Variants in GNA13 observed in about 807,000 individuals in gnomAD.
GNA13 encodes G protein subunit alpha 13.
In GNA13, 4 loss-of-function variants were observed where a neutral mutation model predicts 33.5. The ratio of observed to expected loss-of-function variants is 0.12; its 90% CI spans 0.06 to 0.27. The LOEUF is 0.27. GNA13 is among the 10% of genes least tolerant of loss of function. The probability of loss-of-function intolerance (pLI) is 1.00; values close to 1 mark genes in which losing one functional copy is unlikely to be tolerated. For missense variants in GNA13, 319 were observed against 487.2 expected (o/e 0.65, Z 3.25); for synonymous variants, 176 against 183.8 (o/e 0.96, Z 0.34).
chr17:65,037,698 G>A (rs905149051), intron 2 of GNA13, among the ~76,000 whole-genome samples: 5 of 141,920 alleles, frequency 3.5e-5, no homozygotes, highest in Non-Finnish European at 6.0e-5. Flanking sequence ...TTGGGAGGCC[G>A]AGAGAGGCAG....
At chr17:65,024,403 CA>C (rs1228223778) in intron 2 of GNA13, among the ~76,000 whole-genome samples, 5 of 152,160 alleles carry the variant, frequency 3.3e-5, no homozygotes, top group African/African-American at 1.2e-4. Context: ...TCCCAATAAA[CA>C]AAATGTTATT....
At chr17:65,052,009 C>T (rs1907874818) in intron 2 of GNA13, 1 of 152,200 alleles carries the variant, frequency 6.6e-6, no homozygotes, top group African/African-American at 2.4e-5. Flanking sequence ...CTATCGTGAA[C>T]ACTTTCCTGG....
At chr17:65,027,831 G>C (rs1457808147) in intron 2 of GNA13, among the ~76,000 whole-genome samples, 1 of 152,138 alleles carries the variant, frequency 6.6e-6, no homozygotes. Flanking sequence ...AAGGCTGGGC[G>C]TGGTGGCTCA....
At position 65,012,490 on chromosome 17, in the gene GNA13, T is replaced by C. The variant is rs1386436482; in HGVS notation, c.*1767A>G. 1 of 219,062 alleles carries C rather than the reference T, an allele frequency of 4.6e-6. No homozygotes were observed. The highest frequency in any genetic ancestry group is 2.2e-5 in the African/African-American group (1 of 44,546). The allele number at this position is 219,062 out of a possible 1,614,324, so 13.6% of individuals were successfully genotyped here. A position where few individuals can be genotyped will look rare whatever the true frequency, so the allele number is the denominator to read the frequency against. ...GATACCACGAACATGCACGATACCA[T>C]GAACTTGCATCACGGTGCCGGGCTA... On this transcript the variant is annotated 3_prime_UTR_variant, in exon 4 of 4. Coordinates refer to ENST00000439174, the MANE Select transcript of GNA13 (RefSeq NM_006572.6).
At position 65,029,185 on chromosome 17, in the gene GNA13, T is replaced by C. The variant is rs141709481; in HGVS notation, c.511-10882A>G. Reference sequence around the variant, plus strand: ...TGCTGAATTAGCTATGCAGTTAGCATGTCTCGTGTTTGAAGTCTCCAGCTA... The same window carrying C: ...TGCTGAATTAGCTATGCAGTTAGCACGTCTCGTGTTTGAAGTCTCCAGCTA... On this transcript the variant is annotated intron_variant, in intron 2 of 3. Transcript: ENST00000439174. Among the ~76,000 whole-genome samples the C allele has an allele frequency of 2.4e-3, 369 of 152,344 alleles. 1 individual carries two copies. Among genetic ancestry groups the C allele is most frequent in the Non-Finnish European group, 4.5e-3 (307 of 68,022 alleles).
chr17:65,053,286 T>C, intron 2 of GNA13: 1 of 553,842 alleles, frequency 1.8e-6, no homozygotes, highest in Non-Finnish European at 3.2e-6. Context: ...TACCTTAAGA[T>C]ATGTAGCCTA....
chr17:65,028,024 G>A (rs1906857133), intron 2 of GNA13, among the ~76,000 whole-genome samples: 1 of 152,140 alleles, frequency 6.6e-6, no homozygotes, highest in South Asian at 2.1e-4. Flanking sequence ...GGATCACGAG[G>A]TCAGGAGATC....
At position 65,014,116 on chromosome 17, in the gene GNA13, A is replaced by G; in HGVS notation, c.*141T>C. 1 of 614,984 alleles carries G rather than the reference A, an allele frequency of 1.6e-6. No individual in the cohort carries two copies. The highest frequency in any genetic ancestry group is 2.7e-5 in the East Asian group (1 of 36,398). 38.1% of individuals were successfully genotyped at this position (614,984 alleles called of 1,614,324 possible). On this transcript the variant is annotated 3_prime_UTR_variant, in exon 4 of 4. Coordinates refer to ENST00000439174, the MANE Select transcript of GNA13 (RefSeq NM_006572.6). This position sits in a 1 kb window ranked among gnomAD's most constrained non-coding sequence, Gnocchi z 5.3. ...TCAGCCACAAACCAAAGGCCGCAGAAAAAGTACTAAGATTTTCAAGAAGTT... is the reference window on the plus strand; with the variant it reads ...TCAGCCACAAACCAAAGGCCGCAGAGAAAGTACTAAGATTTTCAAGAAGTT...
intron 2 of GNA13, among the ~76,000 whole-genome samples, chr17:65,047,873 G>T (rs1164472239): frequency 6.6e-6 from 1 of 152,160 alleles, no homozygotes; most frequent in Non-Finnish European, 1.5e-5. Context: ...AGAATACTTA[G>T]TTGGACCTCC....
chr17:65,031,551 C>T (rs1907011583), intron 2 of GNA13, among the ~76,000 whole-genome samples: 1 of 152,180 alleles, frequency 6.6e-6, no homozygotes, highest in Admixed American at 6.5e-5. Flanking sequence ...TAAGTTTATT[C>T]ATACTTAATC....
At chr17:65,056,249 G>GCCCCCCCCCCCCCCCCC in intron 1 of GNA13, 62 bp downstream of exon 1, 3 of 774,832 alleles carry the variant, frequency 3.9e-6, no homozygotes, top group East Asian at 8.4e-5. Context: ...GCCCCGCCCC[G>GCCCCCCCCCCCCCCCCC]CACCCGCCGC....
chr17:65,009,776 T>C lies in GNA13; in HGVS notation c.*4481A>G, dbSNP rs1906113974. On this transcript the variant is annotated 3_prime_UTR_variant, in exon 4 of 4. Coordinates refer to ENST00000439174, the MANE Select transcript of GNA13 (RefSeq NM_006572.6). ...GGTAAAAGGTAAATGGCATAGTTTG[T>C]TGCACTGTTGCTTATACTGTGCAAG... is the stretch of plus-strand genomic sequence containing the variant. Among the ~76,000 whole-genome samples, 1 of 152,246 alleles carries C rather than the reference T, an allele frequency of 6.6e-6. No individual in the cohort carries two copies. The highest frequency in any genetic ancestry group is 2.4e-5 in the African/African-American group (1 of 41,468).
At chr17:65,039,467 C>A (rs936843225) in intron 2 of GNA13, among the ~76,000 whole-genome samples, 1 of 152,256 alleles carries the variant, frequency 6.6e-6, no homozygotes, top group Admixed American at 6.5e-5. Flanking sequence ...CAGTCACAGG[C>A]TGCTGCCTGC....
intron 2 of GNA13, among the ~76,000 whole-genome samples, chr17:65,026,086 GC>G: frequency 6.6e-6 from 1 of 151,778 alleles, no homozygotes; most frequent in Admixed American, 6.6e-5. Context: ...GGCCTACTCT[GC>G]CAAACATTAC....
chr17:65,011,515 C>A lies in GNA13; in HGVS notation c.*2742G>T. ...TTGAATTACTCAGATTTTCAGAAAA[C>A]ATTTGACAAAACCCTTTCTCTATAA... On this transcript the variant is annotated 3_prime_UTR_variant, in exon 4 of 4. Transcript: ENST00000439174. 5.0e-6 allele frequency: 1 copy of A among 201,414 alleles called. No individual in the cohort carries two copies. The highest frequency in any genetic ancestry group is 1.0e-5 in the Non-Finnish European group (1 of 97,636). 12.5% of individuals were successfully genotyped at this position (201,414 alleles called of 1,614,324 possible).
At chr17:65,044,416 G>A (rs927226595) in intron 2 of GNA13, among the ~76,000 whole-genome samples, 4 of 152,108 alleles carry the variant, frequency 2.6e-5, no homozygotes, top group African/African-American at 9.7e-5. Context: ...AGGGAAAAAC[G>A]AAATACTTTC....
intron 2 of GNA13, among the ~76,000 whole-genome samples, chr17:65,045,325 G>A (rs998745402): frequency 6.6e-6 from 1 of 151,984 alleles, no homozygotes; most frequent in African/African-American, 2.4e-5. Flanking sequence ...TTCGAGACCA[G>A]CCTGGCCAAC....
chr17:65,053,907 G>A (rs981283694), intron 1 of GNA13, among the ~76,000 whole-genome samples, 179 bp from the exon 2 acceptor site: 2 of 152,092 alleles, frequency 1.3e-5, no homozygotes, highest in African/African-American at 4.8e-5. Flanking sequence ...AATAACAGTT[G>A]CTCACTGTCT....
chr17:65,053,412 A>T lies in GNA13; in HGVS notation c.510+90T>A, dbSNP rs1351020366. ...CTCAAATACTTTTAGATTTGGGAAC[A>T]TTTCGAATTTTCGCATTAGGGATGT... On this transcript the variant is annotated intron_variant, in intron 2 of 3. Transcript: ENST00000439174. The T allele has an allele frequency of 3.7e-6, 3 of 803,798 alleles. No individual in the cohort carries two copies. The Admixed American group carries it at 5.8e-5, about 16-fold the overall frequency. 49.8% of individuals were successfully genotyped at this position (803,798 alleles called of 1,614,324 possible). A position where few individuals can be genotyped will look rare whatever the true frequency, so the allele number is the denominator to read the frequency against.
Sources: gnomAD v4.1 joint callset for allele counts (sites outside exome capture counted in the v4.1 genomes callset) on GRCh38, gnomAD v4.1.1 for gene constraint, Gnocchi (gnomAD v3.1) non-coding constraint, MANE v1.5 for transcripts, NCBI Gene and HGNC (gene_info 2026-07-23, HGNC 2026-07-21) for gene names.